The following DDX60L variants were observed in gnomAD, a reference collection of about 807,000 sequenced individuals.
DDX60L encodes DExD/H-box 60 like.
A neutral mutation model predicts 211.6 loss-of-function variants in DDX60L; 191 were observed. That is an observed-to-expected ratio of 0.90 (90% CI 0.80 to 1.02). The LOEUF is 1.02. Among genes scored for constraint, DDX60L ranks in the 50% least tolerant of loss-of-function variants. The pLI is 0.00. For synonymous variants in DDX60L, 706 were observed against 694.1 expected, an observed-to-expected ratio of 1.02 and a Z score of -0.27; for missense variants, 2,007 against 1,984.1, an observed-to-expected ratio of 1.01 and a Z score of -0.22.
intron 10 of DDX60L, among the ~76,000 whole-genome samples, chr4:168,439,896 A>G (rs1377294864): frequency 6.6e-6 from 1 of 152,230 alleles, no homozygotes; most frequent in Non-Finnish European, 1.5e-5. Context: ...AAGATCAATC[A>G]TAGACTTGTG....
Position 168,357,983 on chromosome 4 carries a change from A to T in DDX60L, c.*164T>A, listed in dbSNP as rs945539033. ...AAGTTAAAGCTCAGATATATTACAT[A>T]ACTTAAAGTCATTCAGTTAGAAAAT... On this transcript the variant is annotated 3_prime_UTR_variant, in exon 38 of 38. Transcript: ENST00000682922. 19 of 599,530 alleles carry T rather than the reference A, an allele frequency of 3.2e-5. No individual in the cohort carries two copies. The African/African-American group carries it at 3.3e-4, about 10-fold the overall frequency. The allele number at this position is 599,530 out of a possible 1,614,324, so 37.1% of individuals were successfully genotyped here. A position where few individuals can be genotyped will look rare whatever the true frequency, so the allele number is the denominator to read the frequency against.
Position 168,357,273 on chromosome 4 carries a change from G to C in DDX60L, c.*874C>G, listed in dbSNP as rs935444443. On this transcript the variant is annotated 3_prime_UTR_variant, in exon 38 of 38. Transcript: ENST00000682922. The stretch of plus-strand genomic sequence containing the variant: ...TTGAACAAAACAGTTGAATCAGCAT[G>C]TTCTGCTTTCAACAGGAAAGTGGTT... 5 of 152,190 alleles carry C rather than the reference G, an allele frequency of 3.3e-5. No homozygotes were observed. Among genetic ancestry groups the C allele is most frequent in the African/African-American group, 1.2e-4 (5 of 41,452 alleles). 9.4% of individuals were successfully genotyped at this position (152,190 alleles called of 1,614,324 possible).
rs1750667617 is a variant in DDX60L, at chr4:168,421,779, A to G, written c.2375T>C (p.Val792Ala). 4 of 1,614,216 alleles carry G rather than the reference A, an allele frequency of 2.5e-6. No individual in the cohort carries two copies. Among genetic ancestry groups the G allele is most frequent in the Non-Finnish European group, 3.4e-6 (4 of 1,180,034 alleles). ...CACTACCTTTGCGGGTGCAACGTAC[A>G]CAACCACCCCGACATCGCTCTCCCT... ...VLRESDVGVVVYVAPAKSLVG... is the reference protein window; with the variant it reads ...VLRESDVGVVAYVAPAKSLVG... Residue 792 changes from valine (V) to alanine (A), a missense_variant, in exon 17 of 38, where the codon GTG becomes GCG. Coordinates refer to ENST00000682922, the MANE Select transcript of DDX60L (RefSeq NM_001012967.3).
Position 168,457,884 on chromosome 4 carries a change from T to G in DDX60L, c.723+8A>C. ...AACTTTTATTTAAAGAAATAAAAAT[T>G]TTAATACCTCTTCCATCATATCATT... On this transcript the variant is annotated splice_region_variant and intron_variant, in intron 6 of 37. Transcript: ENST00000682922. 1 of 1,467,954 alleles carries G rather than the reference T, an allele frequency of 6.8e-7. No homozygotes were observed. The highest frequency in any genetic ancestry group is 9.1e-7 in the Non-Finnish European group (1 of 1,094,966). The allele number at this position is 1,467,954 out of a possible 1,614,324, so 90.9% of individuals were successfully genotyped here.
At chr4:168,420,463 TACACACACACACACACACACACACACAC>T (rs10598232) in intron 17 of DDX60L, 83 bp from the exon 18 acceptor site, 17 of 459,564 alleles carry the variant, frequency 3.7e-5, no homozygotes, top group Non-Finnish European at 5.9e-5. Context: ...TCCATACACA[TACACACACACACACACACACACACACAC>T]ACACACACAC....
chr4:168,414,937 T>C (rs970961180), intron 22 of DDX60L, among the ~76,000 whole-genome samples: 6 of 151,184 alleles, frequency 4.0e-5, no homozygotes, highest in African/African-American at 1.5e-4. Flanking sequence ...AGATCTAGTA[T>C]GTGATAGCAC....
At chr4:168,421,727 C>G (rs1750657239) in intron 17 of DDX60L, 33 bp downstream of exon 17, 1 of 1,610,522 alleles carries the variant, frequency 6.2e-7, no homozygotes, top group Middle Eastern at 1.7e-4. Flanking sequence ...TGTTCAGGAA[C>G]AAAAGCAAAA....
In DDX60L at chr4:168,422,510, T is replaced by C. The variant is rs1750794237; in HGVS notation, c.2244+14A>G. ...TCACACTGATTAGAAAAGTACAATG[T>C]TTGTTGTCATTACCTGCCATGCGTT... On this transcript the variant is annotated intron_variant, in intron 16 of 37. Transcript: ENST00000682922. 1.2e-6 allele frequency: 2 copies of C among 1,603,822 alleles called. No individual in the cohort carries two copies. The highest frequency in any genetic ancestry group is 3.5e-5 in the Admixed American group (2 of 57,782).
chr4:168,374,046 A>G (rs1741502155), intron 34 of DDX60L, among the ~76,000 whole-genome samples: 1 of 151,890 alleles, frequency 6.6e-6, no homozygotes, highest in Admixed American at 6.6e-5. Context: ...TTTGCCTATG[A>G]ACTCAGATAT....
chr4:168,371,462 T>C, intron 36 of DDX60L, 150 bp downstream of exon 36: 1 of 254,826 alleles, frequency 3.9e-6, no homozygotes. Context: ...GTATTAAAAT[T>C]TCTATTTAAA....
intron 7 of DDX60L, 142 bp from the exon 8 acceptor site, chr4:168,453,424 C>T: frequency 1.3e-6 from 1 of 786,416 alleles, no homozygotes. Context: ...ACAAACTTGG[C>T]TGCACTGATA....
intron 36 of DDX60L, among the ~76,000 whole-genome samples, chr4:168,367,327 G>A (rs1740171886): frequency 6.6e-6 from 1 of 152,174 alleles, no homozygotes; most frequent in African/African-American, 2.4e-5. Flanking sequence ...GATAGTGAAT[G>A]AGTCTCATGA....
intron 10 of DDX60L, 137 bp from the exon 11 acceptor site, chr4:168,433,252 A>G (rs1752609918): frequency 1.7e-6 from 1 of 596,720 alleles, no homozygotes; most frequent in Non-Finnish European, 2.9e-6. Flanking sequence ...GAGCTTCCAA[A>G]TGAGATATTC....
Position 168,472,005 on chromosome 4 carries a change from C to A in DDX60L, c.75-69G>T, listed in dbSNP as rs970391150. 2.7e-5 allele frequency: 35 copies of A among 1,290,488 alleles called. 1 individual carries two copies. In the African/African-American group the frequency reaches 5.1e-4, roughly 19 times the overall value. 79.9% of individuals were successfully genotyped at this position (1,290,488 alleles called of 1,614,324 possible). ...AGAGACTTTGTTGCTGTTGTTGTTA[C>A]TATTATTGCATAAGCTACTGTTTGT... On this transcript the variant is annotated intron_variant, in intron 3 of 37. Coordinates refer to ENST00000682922, the MANE Select transcript of DDX60L (RefSeq NM_001012967.3).
At chr4:168,479,825 T>C (rs1374582294) in intron 1 of DDX60L, among the ~76,000 whole-genome samples, 2 of 103,602 alleles carry the variant, frequency 1.9e-5, no homozygotes, top group African/African-American at 8.3e-5. Flanking sequence ...AAATAAAAAA[T>C]AAAAAAAAAT....
chr4:168,473,376 A>G (rs1475804203), intron 1 of DDX60L, among the ~76,000 whole-genome samples: 1 of 152,206 alleles, frequency 6.6e-6, no homozygotes, highest in Non-Finnish European at 1.5e-5. Flanking sequence ...GGAGGTGCAT[A>G]AAGAAAGCTA....
At chr4:168,425,486 G>A (rs1245227957) in intron 14 of DDX60L, among the ~76,000 whole-genome samples, 1 of 152,226 alleles carries the variant, frequency 6.6e-6, no homozygotes, top group African/African-American at 2.4e-5. Context: ...CTCAGGCTGG[G>A]CACAGTGGCT....
chr4:168,440,641 C>G (rs373010504), intron 10 of DDX60L, among the ~76,000 whole-genome samples: 2 of 152,180 alleles, frequency 1.3e-5, no homozygotes, highest in East Asian at 3.9e-4. Context: ...ATCCTTCAGA[C>G]CACGACTCAT....
At chr4:168,361,326 C>A in intron 36 of DDX60L, 115 bp from the exon 37 acceptor site, 1 of 633,236 alleles carries the variant, frequency 1.6e-6, no homozygotes, top group African/African-American at 1.8e-5. Context: ...CAAATGCACT[C>A]CCAGTTAAGC....
Sources: gnomAD v4.1 joint callset for allele counts (sites outside exome capture counted in the v4.1 genomes callset) on GRCh38, gnomAD v4.1.1 for gene constraint, MANE v1.5 for transcripts, NCBI Gene and HGNC (gene_info 2026-07-23, HGNC 2026-07-21) for gene names.